BMPR1B: variants seen among roughly 807,000 people sequenced by gnomAD.
The protein encoded by BMPR1B is bone morphogenetic protein receptor type 1B.
BMPR1B carries 12 observed loss-of-function variants against 59.1 expected under a neutral mutation model. That is an observed-to-expected ratio of 0.20 (90% CI 0.13 to 0.33). The LOEUF is 0.33. Among genes scored for constraint, BMPR1B ranks in the 10% least tolerant of loss-of-function variants. The probability of loss-of-function intolerance (pLI) is 1.00; values close to 1 mark genes in which losing one functional copy is unlikely to be tolerated. For missense variants in BMPR1B, 550 were observed against 610.9 expected, an observed-to-expected ratio of 0.90 and a Z score of 1.05; for synonymous variants, 237 against 207.3, an observed-to-expected ratio of 1.14 and a Z score of -1.23.
intron 1 of BMPR1B, among the ~76,000 whole-genome samples, chr4:94,836,716 C>G (rs1462907925): frequency 4.1e-5 from 6 of 146,990 alleles, no homozygotes; most frequent in African/African-American, 5.0e-5. Context: ...GTTGCCTGTT[C>G]ACTCTGATGG....
chr4:95,017,899 G>A (rs1339616778), intron 3 of BMPR1B, among the ~76,000 whole-genome samples: 3 of 152,134 alleles, frequency 2.0e-5, no homozygotes. Context: ...ATGCTTTTAT[G>A]TCAACATCAA....
chr4:94,861,219 C>CTG (rs1177291872), intron 1 of BMPR1B, among the ~76,000 whole-genome samples: 1 of 152,200 alleles, frequency 6.6e-6, no homozygotes, highest in African/African-American at 2.4e-5. Flanking sequence ...TTTAATCCCT[C>CTG]TGTGTCTCAG....
chr4:94,799,997 G>T (rs1232279879), intron 1 of BMPR1B, among the ~76,000 whole-genome samples: 2 of 152,140 alleles, frequency 1.3e-5, no homozygotes, highest in Non-Finnish European at 2.9e-5. Flanking sequence ...GCTTCAGTGG[G>T]TGTCACTTTT....
At chr4:94,935,335 A>G (rs1729249999) in intron 2 of BMPR1B, among the ~76,000 whole-genome samples, 2 of 152,200 alleles carry the variant, frequency 1.3e-5, no homozygotes, top group African/African-American at 2.4e-5. Context: ...ATTTCATATA[A>G]AACAAAGTTT....
chr4:95,155,767 A>T lies in BMPR1B; in HGVS notation c.*1094A>T, dbSNP rs1472803194. 6.6e-6 allele frequency: 1 copy of T among 152,086 alleles called. No individual in the cohort carries two copies. The highest frequency in any genetic ancestry group is 2.4e-5 in the African/African-American group (1 of 41,388). The allele number at this position is 152,086 out of a possible 1,614,324, so 9.4% of individuals were successfully genotyped here. ...CATACCTTATTTTGTACAGATAAAG[A>T]TGATGTCTTTTTGTTATTGTCTGTC... On this transcript the variant is annotated 3_prime_UTR_variant, in exon 13 of 13. Transcript: ENST00000515059.
intron 1 of BMPR1B, among the ~76,000 whole-genome samples, chr4:94,850,852 T>C (rs6854743): frequency 0.61 from 92,175 of 151,742 alleles, 28,852 homozygotes; most frequent in African/African-American, 0.76. Flanking sequence ...GGGTTCTTTT[T>C]GTTTCCTCTT....
intron 1 of BMPR1B, among the ~76,000 whole-genome samples, chr4:94,874,086 A>G (rs1726617027): frequency 6.6e-6 from 1 of 152,200 alleles, no homozygotes; most frequent in Non-Finnish European, 1.5e-5. Flanking sequence ...TCCATCTTGT[A>G]GCATGTGACA....
At chr4:94,974,558 T>C (rs72889572) in intron 2 of BMPR1B, among the ~76,000 whole-genome samples, 2,987 of 152,312 alleles carry the variant, frequency 0.02, 94 homozygotes, top group African/African-American at 0.068. Flanking sequence ...ATCTGCTTGC[T>C]GTATTTCTTA....
rs1264056613 is a variant in BMPR1B at position 95,131,463 on chromosome 4, A to G, written c.1027A>G (p.Asn343Asp). 6.2e-7 allele frequency: 1 copy of G among 1,614,088 alleles called. No individual in the cohort carries two copies. Among genetic ancestry groups the G allele is most frequent in the South Asian group, 1.1e-5 (1 of 91,080 alleles). Residue 343 changes from asparagine (N) to aspartate (D), a missense_variant, in exon 10 of 13, where the codon AAT becomes GAT. Asn to Asp is a conservative substitution (Grantham distance 23). Coordinates refer to ENST00000515059, the MANE Select transcript of BMPR1B (RefSeq NM_001203.3). ...AAGTAAAAACATTCTGGTGAAGAAA[A>G]ATGGAACTTGCTGTATTGCTGACCT... Reference protein sequence around the residue: ...LKSKNILVKKNGTCCIADLGL... With the variant: ...LKSKNILVKKDGTCCIADLGL...
At chr4:95,071,791 C>T (rs1450293726) in intron 3 of BMPR1B, among the ~76,000 whole-genome samples, 1 of 150,902 alleles carries the variant, frequency 6.6e-6, no homozygotes, top group African/African-American at 2.4e-5. Flanking sequence ...GTTAAATAAC[C>T]CTTTGTATTT....
intron 10 of BMPR1B, among the ~76,000 whole-genome samples, chr4:95,144,696 G>C (rs764006593): frequency 6.6e-6 from 1 of 152,020 alleles, no homozygotes; most frequent in Non-Finnish European, 1.5e-5. Flanking sequence ...AAGTATAAAA[G>C]GGCAAAATTG....
At chr4:94,913,042 A>G (rs1260861809) in intron 2 of BMPR1B, among the ~76,000 whole-genome samples, 2 of 152,118 alleles carry the variant, frequency 1.3e-5, no homozygotes, top group East Asian at 3.9e-4. Flanking sequence ...GGAAATTATA[A>G]CTTTTAAATA....
At chr4:95,032,026 T>C (rs145853654) in intron 3 of BMPR1B, among the ~76,000 whole-genome samples, 2 of 152,210 alleles carry the variant, frequency 1.3e-5, no homozygotes, top group Non-Finnish European at 2.9e-5. Context: ...AGCCAGTCTC[T>C]GGAGCTCTTT....
At chr4:95,004,458 G>A (rs1205103422) in intron 3 of BMPR1B, among the ~76,000 whole-genome samples, 1 of 152,036 alleles carries the variant, frequency 6.6e-6, no homozygotes. Context: ...ATCAGTATTT[G>A]TATTGTCTTA....
chr4:94,895,808 A>G (rs1560536338), intron 2 of BMPR1B, among the ~76,000 whole-genome samples: 2 of 151,930 alleles, frequency 1.3e-5, no homozygotes, highest in African/African-American at 4.8e-5. Context: ...GGAAGTGATC[A>G]GACTAGATGC....
chr4:95,126,239 A>G (rs962482120), intron 8 of BMPR1B, among the ~76,000 whole-genome samples: 2 of 152,120 alleles, frequency 1.3e-5, no homozygotes, highest in Admixed American at 6.6e-5. Context: ...CATTTTGCTC[A>G]CTTTCTATCC....
intron 2 of BMPR1B, among the ~76,000 whole-genome samples, chr4:94,916,945 TATA>T (rs1454332063): frequency 6.6e-6 from 1 of 152,218 alleles, no homozygotes; most frequent in African/African-American, 2.4e-5. Flanking sequence ...CATTGCTCCC[TATA>T]TCCTGGCTGA....
At chr4:95,069,228 T>C (rs1728088822) in intron 3 of BMPR1B, among the ~76,000 whole-genome samples, 1 of 152,194 alleles carries the variant, frequency 6.6e-6, no homozygotes, top group African/African-American at 2.4e-5. Context: ...GCCTTCATTA[T>C]AACAACAATC....
chr4:94,791,805 T>C (rs1722997402), intron 1 of BMPR1B, among the ~76,000 whole-genome samples: 2 of 152,208 alleles, frequency 1.3e-5, no homozygotes, highest in Middle Eastern at 6.8e-3. Flanking sequence ...CTTTCTTCCT[T>C]ACGCTCCCTC....
Sources: allele counts gnomAD v4.1 joint callset (sites outside exome capture counted in the v4.1 genomes callset), GRCh38; gene constraint gnomAD v4.1.1; transcripts MANE v1.5; gene names NCBI Gene and HGNC (gene_info 2026-07-23, HGNC 2026-07-21).